PCBP3: variants seen among roughly 807,000 people sequenced by gnomAD.
PCBP3 encodes the protein poly(rC)-binding protein 3.
A neutral mutation model predicts 52.7 loss-of-function variants in PCBP3; 25 were observed. The ratio of observed to expected loss-of-function variants is 0.47; its 90% CI spans 0.35 to 0.66. PCBP3 has a LOEUF of 0.66. Ranked by LOEUF, PCBP3 falls within the 30% of genes least tolerant of loss-of-function variation. The pLI is 0.01. For missense variants in PCBP3, 391 were observed against 490.3 expected, an observed-to-expected ratio of 0.80 and a Z score of 1.91; for synonymous variants, 162 against 183.0, an observed-to-expected ratio of 0.89 and a Z score of 0.93.
chr21:45,673,287 A>C (rs1398088929), intron 2 of PCBP3, among the ~76,000 whole-genome samples: 1 of 152,134 alleles, frequency 6.6e-6, no homozygotes, highest in Non-Finnish European at 1.5e-5. Context: ...GAAGCTGTAC[A>C]TTTGTGGCAG....
chr21:45,774,638 T>C (rs761302258), intron 4 of PCBP3, among the ~76,000 whole-genome samples: 43 of 152,228 alleles, frequency 2.8e-4, no homozygotes, highest in Non-Finnish European at 5.3e-4. Context: ...TCTAGTATTA[T>C]GTTGGTTGTG....
At chr21:45,909,878 C>T (rs1304359450) in intron 10 of PCBP3, among the ~76,000 whole-genome samples, 46 of 63,186 alleles carry the variant, frequency 7.3e-4, no homozygotes, top group South Asian at 2.0e-3. Flanking sequence ...GATACGGACC[C>T]GGCCACCCAC....
chr21:45,816,772 C>T (rs2092977035), intron 4 of PCBP3, among the ~76,000 whole-genome samples: 1 of 150,030 alleles, frequency 6.7e-6, no homozygotes, highest in African/African-American at 2.5e-5. Context: ...AGAAGGAGTA[C>T]ACTAGAATAA....
chr21:45,793,570 A>C (rs578183568), intron 4 of PCBP3, among the ~76,000 whole-genome samples: 41 of 152,186 alleles, frequency 2.7e-4, no homozygotes, highest in Non-Finnish European at 3.5e-4. Flanking sequence ...AGCGCATCAC[A>C]GGACTGACCA....
At chr21:45,732,928 C>A (rs892767418) in intron 2 of PCBP3, among the ~76,000 whole-genome samples, 2 of 152,054 alleles carry the variant, frequency 1.3e-5, no homozygotes, top group Admixed American at 6.5e-5. Context: ...CCACTCTGCC[C>A]TGCCTTTTGT....
chr21:45,884,437 C>CAT (rs914385049), intron 5 of PCBP3, among the ~76,000 whole-genome samples: 4 of 151,992 alleles, frequency 2.6e-5, no homozygotes, highest in Non-Finnish European at 4.4e-5. Flanking sequence ...AAGTATATAG[C>CAT]ATATATATAC....
At chr21:45,732,931 C>G (rs1457872364) in intron 2 of PCBP3, among the ~76,000 whole-genome samples, 2 of 152,150 alleles carry the variant, frequency 1.3e-5, no homozygotes, top group Non-Finnish European at 2.9e-5. Context: ...CTCTGCCCTG[C>G]CTTTTGTCAT....
intron 7 of PCBP3, 138 bp from the exon 8 acceptor site, chr21:45,900,453 C>T: frequency 1.5e-6 from 1 of 673,732 alleles, no homozygotes. Context: ...AGTGGAGAGG[C>T]TGGTTTGCTC....
rs936904280 is a variant in PCBP3, at chr21:45,850,230, G to A, written c.10+135G>A. 1.6e-5 allele frequency: 12 copies of A among 757,422 alleles called. No individual in the cohort carries two copies. The African/African-American group carries it at 2.1e-4, about 13-fold the overall frequency. The allele number at this position is 757,422 out of a possible 1,614,324, so 46.9% of individuals were successfully genotyped here. On this transcript the variant is annotated intron_variant, in intron 5 of 17. Coordinates refer to ENST00000681687, the MANE Select transcript of PCBP3 (RefSeq NM_001384156.1). Reference sequence around the variant, plus strand: ...ATTTCACCCTGCTTCAGTCCACAATGTGCCCTGAAGACTATTCTGTATATG... The same window carrying A: ...ATTTCACCCTGCTTCAGTCCACAATATGCCCTGAAGACTATTCTGTATATG...
chr21:45,864,471 T>G (rs1052425100), intron 5 of PCBP3, among the ~76,000 whole-genome samples: 3 of 152,102 alleles, frequency 2.0e-5, no homozygotes, highest in African/African-American at 7.2e-5. Flanking sequence ...TGATGCTGAG[T>G]TTTTCAGTTC....
At chr21:45,769,739 C>T (rs17350170) in intron 4 of PCBP3, among the ~76,000 whole-genome samples, 4,525 of 152,308 alleles carry the variant, frequency 0.03, 81 homozygotes, top group Middle Eastern at 0.11. Context: ...GGCCGTCTCT[C>T]GTAGGCAGGC....
rs58056598 is a variant in PCBP3, at chr21:45,770,114, C to T, written c.-126+14662C>T. The stretch of plus-strand genomic sequence containing the variant: ...ACATGGTGCATAATCGACGGCGACC[C>T]GGCCTCCCTCCTTGTGTCCGTCTGA... On this transcript the variant is annotated intron_variant, in intron 4 of 17. Coordinates refer to ENST00000681687, the MANE Select transcript of PCBP3 (RefSeq NM_001384156.1). Among the ~76,000 whole-genome samples, 16 of 152,306 alleles carry T rather than the reference C, an allele frequency of 1.1e-4. No homozygotes were observed. In the East Asian group the frequency reaches 2.3e-3, roughly 22 times the overall value.
intron 4 of PCBP3, among the ~76,000 whole-genome samples, chr21:45,806,258 G>T (rs2092496750): frequency 6.6e-6 from 1 of 152,154 alleles, no homozygotes; most frequent in Non-Finnish European, 1.5e-5. Context: ...TCCGCCCTTT[G>T]GCCAAGTGCA....
chr21:45,658,144 C>T (rs2080141598), intron 1 of PCBP3, among the ~76,000 whole-genome samples: 1 of 152,136 alleles, frequency 6.6e-6, no homozygotes, highest in South Asian at 2.1e-4. Context: ...AGATGCTTTT[C>T]CTGCATCTAT....
intron 4 of PCBP3, among the ~76,000 whole-genome samples, chr21:45,773,076 A>C (rs2090000923): frequency 6.6e-6 from 1 of 151,964 alleles, no homozygotes; most frequent in African/African-American, 2.4e-5. Flanking sequence ...AAGCTTTTTA[A>C]TTTAATATAG....
rs949954810 is a variant in PCBP3 at position 45,827,285 on chromosome 21, C to T, written c.-125-22676C>T. ...AGGCAGCACACCTCTGCCCCCGCTG[C>T]GATGGTGTCGGAGGAGGCCGGTGAA... On this transcript the variant is annotated intron_variant, in intron 4 of 17. Transcript: ENST00000681687. This position sits in a 1 kb window ranked among gnomAD's most constrained non-coding sequence, Gnocchi z 4.3. 1.3e-5 allele frequency among the ~76,000 whole-genome samples: 2 copies of T among 152,154 alleles called. No homozygotes were observed. Among genetic ancestry groups the T allele is most frequent in the African/African-American group, 4.8e-5 (2 of 41,436 alleles).
chr21:45,788,011 G>A lies in PCBP3; in HGVS notation c.-126+32559G>A, dbSNP rs1407985608. On this transcript the variant is annotated intron_variant, in intron 4 of 17. Transcript: ENST00000681687. The surrounding 1 kb of genome is among the most constrained non-coding windows in gnomAD (Gnocchi z 4.3). ...TGGGGAGACCTACGGGGGAAGATGG[G>A]GGCACCTACAGTTGCAAGGTGGGCA... Among the ~76,000 whole-genome samples the A allele has an allele frequency of 6.6e-6, 1 of 152,110 alleles. No homozygotes were observed. The highest frequency in any genetic ancestry group is 2.4e-5 in the African/African-American group (1 of 41,402).
intron 12 of PCBP3, chr21:45,916,006 A>G (rs1318649646): frequency 6.6e-6 from 1 of 152,262 alleles, no homozygotes; most frequent in Non-Finnish European, 1.5e-5. Flanking sequence ...ATGCCCCACC[A>G]CTGTGAGTGC....
chr21:45,892,161 T>C (rs58148884), intron 5 of PCBP3, among the ~76,000 whole-genome samples: 22,523 of 152,104 alleles, frequency 0.15, 1,811 homozygotes, highest in Middle Eastern at 0.28. Context: ...GCGTCCTTCC[T>C]ACGAGGTGGG....
Sources: gnomAD v4.1 joint callset for allele counts (sites outside exome capture counted in the v4.1 genomes callset) on GRCh38, gnomAD v4.1.1 for gene constraint, Gnocchi (gnomAD v3.1) non-coding constraint, MANE v1.5 for transcripts, NCBI Gene and HGNC (gene_info 2026-07-23, HGNC 2026-07-21) for gene names.